Variants in DMD observed in about 807,000 individuals in gnomAD.
DMD encodes mutant dystrophin.
Under a neutral mutation model 330.1 loss-of-function variants are expected in DMD, and 63 were observed. The ratio of observed to expected loss-of-function variants is 0.19; its 90% confidence interval spans 0.16 to 0.24. The LOEUF is 0.24. Among genes scored for constraint, DMD ranks in the 10% least tolerant of loss-of-function variants. DMD has a pLI of 1.00. For missense variants in DMD, 3,344 were observed against 2,684.1 expected (o/e 1.25, Z -5.43); for synonymous variants, 1,223 against 959.8 (o/e 1.27, Z -5.07).
At chrX:31,924,695 C>G (rs371083843) in intron 47 of DMD, among the ~76,000 whole-genome samples, 2 of 111,346 alleles carry the variant, frequency 1.8e-5, no homozygotes, top group African/African-American at 6.5e-5. Context: ...TACCTTTTTC[C>G]TCGGTAAAGT....
intron 11 of DMD, among the ~76,000 whole-genome samples, chrX:32,643,468 T>C (rs1277205157): frequency 9.0e-6 from 1 of 111,059 alleles, no homozygotes. Context: ...TAAAAATAAA[T>C]CTATCTTGTC....
chrX:31,563,707 C>T (rs951659104), intron 55 of DMD, among the ~76,000 whole-genome samples: 12 of 111,762 alleles, frequency 1.1e-4, no homozygotes, highest in Admixed American at 1.0e-3. Context: ...ATGAAACAGA[C>T]ACCAATATTA....
intron 11 of DMD, among the ~76,000 whole-genome samples, chrX:32,627,153 C>T (rs1264642310): frequency 3.2e-5 from 2 of 62,029 alleles, no homozygotes; most frequent in East Asian, 6.7e-4. Context: ...TCCCCGCCCC[C>T]CCCCCCGCCC....
In DMD at chrX:31,613,571, A is replaced by G. The variant is rs2078040722; in HGVS notation, c.8217+14102T>C. Among the ~76,000 whole-genome samples, 4 of 111,857 alleles carry G rather than the reference A, an allele frequency of 3.6e-5. No individual in the cohort carries two copies. The Admixed American group carries it at 3.8e-4, about 11-fold the overall frequency. ...GAACAAAACAAGTAATTTTTACTGA[A>G]GCCATGAAGTTTTGGGCTGGCTTGT... On this transcript the variant is annotated intron_variant, in intron 55 of 78. Transcript: ENST00000357033.
intron 15 of DMD, among the ~76,000 whole-genome samples, chrX:32,570,881 A>G (rs1376766893): frequency 3.6e-5 from 4 of 111,897 alleles, no homozygotes; most frequent in African/African-American, 1.3e-4. Context: ...AATCTAGTCA[A>G]CAATATATGC....
intron 2 of DMD, among the ~76,000 whole-genome samples, chrX:32,857,061 C>A (rs1194993176): frequency 2.9e-5 from 3 of 102,657 alleles, no homozygotes; most frequent in African/African-American, 1.1e-4. Flanking sequence ...GGTGACAGAG[C>A]AAGACTGCGT....
intron 44 of DMD, among the ~76,000 whole-genome samples, chrX:32,180,015 A>G (rs1334906967): frequency 8.9e-6 from 1 of 111,927 alleles, no homozygotes; most frequent in Non-Finnish European, 1.9e-5. Context: ...GAACTAATAC[A>G]TAGGATTATT....
At chrX:33,239,249 G>C (rs2052543303) in intron 1 of DMD, among the ~76,000 whole-genome samples, 1 of 81,769 alleles carries the variant, frequency 1.2e-5, no homozygotes, top group African/African-American at 4.7e-5. Flanking sequence ...ACTCCAGCCT[G>C]GGTGACAGAG....
intron 17 of DMD, among the ~76,000 whole-genome samples, chrX:32,519,786 G>C (rs2046242866): frequency 8.9e-6 from 1 of 111,925 alleles, no homozygotes; most frequent in South Asian, 3.7e-4. Context: ...AAACCAGTTA[G>C]AATTTCTCAC....
intron 3 of DMD, among the ~76,000 whole-genome samples, chrX:32,845,737 G>A (rs1480915360): frequency 8.9e-6 from 1 of 111,934 alleles, no homozygotes; most frequent in African/African-American, 3.2e-5. Context: ...CTGACTGCCT[G>A]GGTTCAATTG....
At chrX:31,246,583 G>C (rs1364662613) in intron 63 of DMD, among the ~76,000 whole-genome samples, 9 of 112,315 alleles carry the variant, frequency 8.0e-5, no homozygotes, top group Non-Finnish European at 1.1e-4. Context: ...TGGTGACTAA[G>C]TTGAAGCCAA....
chrX:31,490,586 G>T (rs2069203282), intron 57 of DMD, among the ~76,000 whole-genome samples: 2 of 111,767 alleles, frequency 1.8e-5, no homozygotes, highest in Non-Finnish European at 3.8e-5. Flanking sequence ...TAAATAAAAA[G>T]AAAAGAAAAA....
chrX:32,405,904 T>A (rs1185912683), intron 30 of DMD, among the ~76,000 whole-genome samples: 1 of 111,805 alleles, frequency 8.9e-6, no homozygotes, highest in Admixed American at 9.5e-5. Context: ...TTCTTCCATT[T>A]GTTTGTATCC....
chrX:31,681,138 C>A (rs1489272842), intron 52 of DMD, among the ~76,000 whole-genome samples: 1 of 111,475 alleles, frequency 9.0e-6, no homozygotes, highest in Non-Finnish European at 1.9e-5. Context: ...TAAATTCTAC[C>A]CCAATTAAAG....
In DMD at chrX:32,433,982, T is replaced by A. The variant is rs376229668; in HGVS notation, c.4071+4259A>T. ...ACTGTGAGTAGAAAATATAGTGCTA[T>A]ATGATTATCAAGAATGAAAGATGCC... On this transcript the variant is annotated intron_variant, in intron 29 of 78. Transcript: ENST00000357033. Among the ~76,000 whole-genome samples the A allele has an allele frequency of 4.6e-4, 52 of 111,912 alleles. 1 individual carries two copies. The East Asian group carries it at 0.012, about 26-fold the overall frequency.
At chrX:31,222,235 A>G (rs2046146783) in intron 64 of DMD, among the ~76,000 whole-genome samples, 1 of 106,554 alleles carries the variant, frequency 9.4e-6, no homozygotes, top group African/African-American at 3.4e-5. Context: ...ACAAAAAACA[A>G]AAATTAGCCG....
At chrX:32,433,742 GA>G (rs1273458756) in intron 29 of DMD, among the ~76,000 whole-genome samples, 1 of 111,801 alleles carries the variant, frequency 8.9e-6, no homozygotes, top group African/African-American at 3.2e-5. Flanking sequence ...AACTAAATGA[GA>G]AAATGCATAT....
rs191252731 is a variant in DMD at position 32,846,834 on chromosome X, C to T, written c.187-1974G>A. On this transcript the variant is annotated intron_variant, in intron 3 of 78. Transcript: ENST00000357033. ...CCAGCCTGGCCAACATGGTGAAACCCCATGTCTACTAAAAATACAAAACTT... is the reference window on the plus strand; with the variant it reads ...CCAGCCTGGCCAACATGGTGAAACCTCATGTCTACTAAAAATACAAAACTT... Among the ~76,000 whole-genome samples the T allele has an allele frequency of 3.0e-3, 327 of 107,889 alleles. 2 individuals carry two copies. Among genetic ancestry groups the T allele is most frequent in the African/African-American group, 1.0e-2 (293 of 29,444 alleles). 93.7% of individuals were successfully genotyped at this position (107,889 alleles called of 115,157 possible).
intron 55 of DMD, among the ~76,000 whole-genome samples, chrX:31,544,870 G>C (rs749965292): frequency 9.0e-6 from 1 of 111,068 alleles, no homozygotes; most frequent in East Asian, 2.8e-4. Flanking sequence ...CAGAAAACAG[G>C]GGGTTGACAA....
Sources: gnomAD v4.1 joint callset for allele counts (sites outside exome capture counted in the v4.1 genomes callset) on GRCh38, gnomAD v4.1.1 for gene constraint, MANE v1.5 for transcripts, NCBI Gene and HGNC (gene_info 2026-07-23, HGNC 2026-07-21) for gene names.